The following TMCC1 variants were observed in gnomAD, a reference collection of about 807,000 sequenced individuals.
TMCC1 encodes transmembrane and coiled-coil domain family 1.
Under a neutral mutation model 52.4 loss-of-function variants are expected in TMCC1, and 15 were observed. The ratio of observed to expected loss-of-function variants is 0.29; its 90% confidence interval spans 0.19 to 0.44. The LOEUF is 0.44. Ranked by LOEUF, TMCC1 falls within the 20% of genes least tolerant of loss-of-function variation. The pLI is 1.00. For synonymous variants in TMCC1, 279 were observed against 301.9 expected (o/e 0.92, Z 0.79); for missense variants, 503 against 806.0 (o/e 0.62, Z 4.55).
At chr3:129,740,740 G>A (rs1053397938) in intron 4 of TMCC1, among the ~76,000 whole-genome samples, 1 of 152,146 alleles carries the variant, frequency 6.6e-6, no homozygotes, top group Non-Finnish European at 1.5e-5. Flanking sequence ...TCTACAAGCT[G>A]TAATTTATTT....
intron 4 of TMCC1, among the ~76,000 whole-genome samples, chr3:129,726,896 A>AAAAAAAAAAAAAAAAAAAC (rs2050147551): frequency 7.0e-6 from 1 of 143,466 alleles, no homozygotes; most frequent in Non-Finnish European, 1.5e-5. Flanking sequence ...AAAAAAAAAA[A>AAAAAAAAAAAAAAAAAAAC]AAGAACCACT....
At chr3:129,748,660 T>C (rs1036303680) in intron 4 of TMCC1, among the ~76,000 whole-genome samples, 2 of 152,078 alleles carry the variant, frequency 1.3e-5, no homozygotes, top group Admixed American at 1.3e-4. Context: ...GTTTCATAAA[T>C]CATTATAGTA....
intron 4 of TMCC1, among the ~76,000 whole-genome samples, chr3:129,803,790 C>T (rs1437328843): frequency 2.6e-5 from 4 of 151,946 alleles, no homozygotes; most frequent in Middle Eastern, 3.2e-3. Flanking sequence ...TACTCATAAT[C>T]ACACAATGTG....
At chr3:129,843,642 A>G (rs565054236) in intron 2 of TMCC1, among the ~76,000 whole-genome samples, 3 of 152,204 alleles carry the variant, frequency 2.0e-5, no homozygotes, top group Admixed American at 6.5e-5. Context: ...AAAATAAACC[A>G]ATTCCTTGAA....
At chr3:129,773,308 G>A (rs80038842) in intron 4 of TMCC1, among the ~76,000 whole-genome samples, 1 of 152,186 alleles carries the variant, frequency 6.6e-6, no homozygotes, top group Admixed American at 6.5e-5. Flanking sequence ...TTGCACATGT[G>A]TGGGTGTTTG....
intron 4 of TMCC1, among the ~76,000 whole-genome samples, chr3:129,737,966 C>T (rs780074044): frequency 3.3e-5 from 5 of 152,098 alleles, no homozygotes; most frequent in African/African-American, 4.8e-5. Context: ...AACTATACTT[C>T]TTTCTTAAAA....
chr3:129,657,826 T>C (rs369425050), intron 5 of TMCC1, among the ~76,000 whole-genome samples: 1 of 152,200 alleles, frequency 6.6e-6, no homozygotes, highest in East Asian at 1.9e-4. Context: ...AATGGTACAA[T>C]TGCTCTGCAA....
intron 2 of TMCC1, chr3:129,846,938 A>G (rs1294184159): frequency 2.0e-5 from 3 of 150,862 alleles, no homozygotes; most frequent in Admixed American, 6.6e-5. Flanking sequence ...GCCTGCAGTG[A>G]GCTATGATCA....
intron 2 of TMCC1, among the ~76,000 whole-genome samples, chr3:129,852,265 T>C (rs1357597319): frequency 2.6e-5 from 4 of 151,974 alleles, no homozygotes; most frequent in Admixed American, 1.3e-4. Flanking sequence ...GAGACCAGCC[T>C]GGCCTAAATG....
At chr3:129,833,438 T>G (rs2059011929) in intron 2 of TMCC1, among the ~76,000 whole-genome samples, 1 of 152,134 alleles carries the variant, frequency 6.6e-6, no homozygotes, top group Non-Finnish European at 1.5e-5. Context: ...GGCATGGTAG[T>G]GCACACCTGT....
chr3:129,771,976 C>T (rs1576781717), intron 4 of TMCC1, among the ~76,000 whole-genome samples: 1 of 152,084 alleles, frequency 6.6e-6, no homozygotes, highest in Non-Finnish European at 1.5e-5. Flanking sequence ...ATATACAAGA[C>T]ATTTTAATTA....
At chr3:129,783,838 G>A (rs1001604317) in intron 4 of TMCC1, among the ~76,000 whole-genome samples, 4 of 152,216 alleles carry the variant, frequency 2.6e-5, no homozygotes, top group Non-Finnish European at 4.4e-5. Flanking sequence ...CCAAAAAGAT[G>A]AAGTTAGAAA....
chr3:129,863,786 C>T (rs2060503127), intron 2 of TMCC1, among the ~76,000 whole-genome samples: 2 of 151,910 alleles, frequency 1.3e-5, no homozygotes, highest in South Asian at 2.1e-4. Flanking sequence ...CGCTTGAACC[C>T]GGGAGGTGGA....
intron 4 of TMCC1, among the ~76,000 whole-genome samples, chr3:129,725,473 C>T (rs2050000458): frequency 6.6e-6 from 1 of 151,296 alleles, no homozygotes; most frequent in African/African-American, 2.4e-5. Flanking sequence ...AAAAACGAAA[C>T]ATAGCATCTT....
At chr3:129,792,995 T>C (rs558948252) in intron 4 of TMCC1, among the ~76,000 whole-genome samples, 1 of 152,324 alleles carries the variant, frequency 6.6e-6, no homozygotes, top group Admixed American at 6.5e-5. Context: ...TAGAAAATTA[T>C]CACCTGGCTC....
chr3:129,739,369 T>C (rs183389341), intron 4 of TMCC1, among the ~76,000 whole-genome samples: 2 of 152,244 alleles, frequency 1.3e-5, no homozygotes, highest in Non-Finnish European at 2.9e-5. Context: ...AATTCTACCA[T>C]GTTGGCCAGG....
At chr3:129,802,937 G>A (rs1001206562) in intron 4 of TMCC1, among the ~76,000 whole-genome samples, 1 of 152,204 alleles carries the variant, frequency 6.6e-6, no homozygotes, top group African/African-American at 2.4e-5. Context: ...TTACAGTTCT[G>A]GAGGTTGGGA....
intron 4 of TMCC1, among the ~76,000 whole-genome samples, chr3:129,683,285 G>A (rs1479617213): frequency 6.6e-6 from 1 of 152,230 alleles, no homozygotes; most frequent in East Asian, 1.9e-4. Context: ...ACTGGTCTAT[G>A]AGTATTCCAA....
intron 4 of TMCC1, among the ~76,000 whole-genome samples, chr3:129,774,262 C>T (rs908082274): frequency 6.6e-6 from 1 of 152,164 alleles, no homozygotes; most frequent in Non-Finnish European, 1.5e-5. Context: ...ATTTAGGGCA[C>T]TGACCAGTTT....
Sources: gnomAD v4.1 joint callset for allele counts (sites outside exome capture counted in the v4.1 genomes callset) on GRCh38, gnomAD v4.1.1 for gene constraint, MANE v1.5 for transcripts, NCBI Gene and HGNC (gene_info 2026-07-23, HGNC 2026-07-21) for gene names.